The following AGBL4 variants were observed in gnomAD, a reference collection of about 807,000 sequenced individuals.
AGBL4 encodes AGBL carboxypeptidase 4.
A neutral mutation model predicts 66.4 loss-of-function variants in AGBL4; 58 were observed. The observed-to-expected ratio is 0.87, with a 90% CI of 0.71 to 1.09. The LOEUF is 1.09. Ranked by LOEUF, AGBL4 falls within the 50% of genes least tolerant of loss-of-function variation. The probability of loss-of-function intolerance (pLI) is 0.00; values close to 1 mark genes in which losing one functional copy is unlikely to be tolerated. For synonymous variants in AGBL4, 234 were observed against 222.9 expected (o/e 1.05, Z -0.44); for missense variants, 579 against 631.0 (o/e 0.92, Z 0.88).
At chr1:49,262,664 G>A (rs1192982404) in intron 3 of AGBL4, among the ~76,000 whole-genome samples, 1 of 152,106 alleles carries the variant, frequency 6.6e-6, no homozygotes, top group Non-Finnish European at 1.5e-5. Flanking sequence ...AACAGGTGCT[G>A]GAGAGGATGT....
chr1:49,843,829 C>T (rs375504375), intron 2 of AGBL4, among the ~76,000 whole-genome samples: 26 of 152,228 alleles, frequency 1.7e-4, no homozygotes, highest in East Asian at 1.6e-3. Context: ...CCACATCACC[C>T]CTCTAGGCCA....
In AGBL4 at chr1:49,119,104, CT is replaced by C. The variant is rs1468532390; in HGVS notation, c.378-73305del. On this transcript the variant is annotated intron_variant, in intron 4 of 13. Coordinates refer to ENST00000371839, the MANE Select transcript of AGBL4 (RefSeq NM_032785.4). The stretch of plus-strand genomic sequence containing the variant: ...CTTCTCTCTTTTCTTCTTTATTAGT[CT>C]TGCTAGTGTTCTATCAATTTTGTTG... Among the ~76,000 whole-genome samples the C allele has an allele frequency of 3.3e-5, 5 of 152,136 alleles. No homozygotes were observed. In the East Asian group the frequency reaches 9.6e-4, roughly 29 times the overall value.
chr1:48,775,764 C>T (rs1033052886), intron 6 of AGBL4, among the ~76,000 whole-genome samples: 1 of 152,216 alleles, frequency 6.6e-6, no homozygotes, highest in African/African-American at 2.4e-5. Flanking sequence ...AACCTCAGTA[C>T]CCTCATCTAC....
intron 2 of AGBL4, among the ~76,000 whole-genome samples, chr1:49,808,941 G>A: frequency 6.6e-6 from 1 of 151,944 alleles, no homozygotes; most frequent in East Asian, 1.9e-4. Context: ...GATAATATAT[G>A]GTTTGCTCCC....
chr1:49,644,828 G>C (rs1045995754), intron 3 of AGBL4, among the ~76,000 whole-genome samples: 1 of 151,108 alleles, frequency 6.6e-6, no homozygotes, highest in African/African-American at 2.4e-5. Flanking sequence ...CCTTTTAAAG[G>C]GCACATGAAA....
chr1:49,334,179 G>C (rs2148495302), intron 3 of AGBL4, among the ~76,000 whole-genome samples: 1 of 152,220 alleles, frequency 6.6e-6, no homozygotes, highest in East Asian at 1.9e-4. Flanking sequence ...ATGGAAACTG[G>C]CATGGCAAGT....
chr1:48,786,873 C>T (rs1645420385), intron 6 of AGBL4, among the ~76,000 whole-genome samples: 1 of 152,034 alleles, frequency 6.6e-6, no homozygotes, highest in Non-Finnish European at 1.5e-5. Flanking sequence ...GTCAGCCTCC[C>T]CAATACCCCG....
rs557574366 is a variant in AGBL4 at position 48,896,690 on chromosome 1, C to T, written c.595-29460G>A. Among the ~76,000 whole-genome samples, 3 of 152,118 alleles carry T rather than the reference C, an allele frequency of 2.0e-5. No individual in the cohort carries two copies. In the East Asian group the frequency reaches 5.8e-4, roughly 29 times the overall value. On this transcript the variant is annotated intron_variant, in intron 5 of 13. Coordinates refer to ENST00000371839, the MANE Select transcript of AGBL4 (RefSeq NM_032785.4). ...GTAGGTAGGAGAAGCAGGTGTGGTGCTACCTCAGGCTGCCAGCATGAAATG... is the reference window on the plus strand; with the variant it reads ...GTAGGTAGGAGAAGCAGGTGTGGTGTTACCTCAGGCTGCCAGCATGAAATG...
intron 3 of AGBL4, among the ~76,000 whole-genome samples, chr1:49,672,767 C>G (rs1646502873): frequency 6.6e-6 from 1 of 150,414 alleles, no homozygotes. Flanking sequence ...CTAAAAATAC[C>G]AAAAATTATC....
intron 2 of AGBL4, among the ~76,000 whole-genome samples, chr1:49,746,754 G>A (rs1472907837): frequency 2.6e-5 from 4 of 151,810 alleles, no homozygotes; most frequent in Non-Finnish European, 5.9e-5. Flanking sequence ...AGATCCTTTG[G>A]ACTAGAAACA....
chr1:50,000,545 A>G (rs968545041), intron 1 of AGBL4, among the ~76,000 whole-genome samples: 1 of 152,244 alleles, frequency 6.6e-6, no homozygotes, highest in African/African-American at 2.4e-5. Flanking sequence ...TAAATCTACT[A>G]TTTGATCCAG....
At chr1:49,144,706 G>C (rs746225965) in intron 4 of AGBL4, among the ~76,000 whole-genome samples, 1 of 152,138 alleles carries the variant, frequency 6.6e-6, no homozygotes, top group Non-Finnish European at 1.5e-5. Flanking sequence ...TGCTGTGAAA[G>C]AGAAATTCAG....
intron 5 of AGBL4, among the ~76,000 whole-genome samples, chr1:48,952,225 T>C (rs180988291): frequency 6.6e-6 from 1 of 152,374 alleles, no homozygotes; most frequent in East Asian, 1.9e-4. Flanking sequence ...CACTTATTTG[T>C]TTAACACATA....
chr1:49,877,821 T>C (rs1647067282), intron 1 of AGBL4, among the ~76,000 whole-genome samples: 2 of 151,526 alleles, frequency 1.3e-5, no homozygotes, highest in Non-Finnish European at 1.5e-5. Flanking sequence ...CTATTGATTA[T>C]TGCCACAATT....
intron 5 of AGBL4, among the ~76,000 whole-genome samples, chr1:48,961,095 G>GTGTA (rs1294831642): frequency 6.6e-6 from 1 of 152,020 alleles, no homozygotes; most frequent in African/African-American, 2.4e-5. Flanking sequence ...GTGTGTGTGT[G>GTGTA]TGTGTGTGTG....
chr1:49,141,543 T>C (rs919242121), intron 4 of AGBL4, among the ~76,000 whole-genome samples: 2 of 152,058 alleles, frequency 1.3e-5, no homozygotes, highest in African/African-American at 4.8e-5. Context: ...CTCAAATTCC[T>C]GCCAAGACTC....
At chr1:48,970,814 C>T (rs766622997) in intron 5 of AGBL4, among the ~76,000 whole-genome samples, 3 of 152,014 alleles carry the variant, frequency 2.0e-5, no homozygotes, top group Non-Finnish European at 4.4e-5. Context: ...GTGCTACTTC[C>T]GGCAGAAAGG....
chr1:49,478,125 T>G (rs781099359), intron 3 of AGBL4, among the ~76,000 whole-genome samples: 5 of 151,372 alleles, frequency 3.3e-5, no homozygotes, highest in Non-Finnish European at 5.9e-5. Context: ...AAAGAGGAGG[T>G]AGAGAAAAGA....
chr1:49,766,929 T>A (rs1652774032), intron 2 of AGBL4, among the ~76,000 whole-genome samples: 1 of 152,104 alleles, frequency 6.6e-6, no homozygotes, highest in African/African-American at 2.4e-5. Context: ...ATGTACACAA[T>A]ATTATAGCAC....
Sources: allele counts gnomAD v4.1 joint callset (sites outside exome capture counted in the v4.1 genomes callset), GRCh38; gene constraint gnomAD v4.1.1; transcripts MANE v1.5; gene names NCBI Gene and HGNC (gene_info 2026-07-23, HGNC 2026-07-21).